UBE3A: variants seen among roughly 807,000 people sequenced by gnomAD.
UBE3A encodes the protein ubiquitin-protein ligase E3A.
In UBE3A, 6 loss-of-function variants were observed where a neutral mutation model predicts 83.4. The ratio of observed to expected loss-of-function variants is 0.07; its 90% CI spans 0.04 to 0.14. The LOEUF is 0.14. Among genes scored for constraint, UBE3A ranks in the 10% least tolerant of loss-of-function variants. The pLI is 1.00. For missense variants in UBE3A, 456 were observed against 1,036.1 expected, an observed-to-expected ratio of 0.44 and a Z score of 7.69; for synonymous variants, 337 against 355.4, an observed-to-expected ratio of 0.95 and a Z score of 0.58.
intron 6 of UBE3A, among the ~76,000 whole-genome samples, chr15:25,367,215 A>G (rs1595752271): frequency 2.6e-5 from 2 of 76,466 alleles, no homozygotes; most frequent in African/African-American, 1.3e-4. Flanking sequence ...GTAAATATGT[A>G]AATATTTACA....
At position 25,405,520 on chromosome 15, in the gene UBE3A, G is replaced by A. The variant is rs777868954; in HGVS notation, c.21-18C>T. On this transcript the variant is annotated intron_variant, in intron 3 of 12. Coordinates refer to ENST00000648336, the MANE Select transcript of UBE3A (RefSeq NM_130839.5). ...CTCCTGATCTGTAAAATGCAATTGA[G>A]AAACAGTTAGCAAAATATTCCATAT... 1.1e-5 allele frequency: 18 copies of A among 1,612,948 alleles called. No individual in the cohort carries two copies. The highest frequency in any genetic ancestry group is 1.7e-5 in the Admixed American group (1 of 59,934).
chr15:25,363,752 A>G (rs1322279520), intron 6 of UBE3A, among the ~76,000 whole-genome samples: 2 of 152,110 alleles, frequency 1.3e-5, no homozygotes, highest in Non-Finnish European at 2.9e-5. Context: ...CATTTTTCAG[A>G]GTCAGAATGT....
chr15:25,429,968 G>T (rs192349375), intron 1 of UBE3A, among the ~76,000 whole-genome samples: 1 of 139,144 alleles, frequency 7.2e-6, no homozygotes, highest in Non-Finnish European at 1.5e-5. Context: ...CTGCACCATT[G>T]CACACCAGCC....
chr15:25,409,020 A>G, intron 3 of UBE3A, 68 bp downstream of exon 3: 1 of 1,497,858 alleles, frequency 6.7e-7, no homozygotes, highest in Non-Finnish European at 9.1e-7. Flanking sequence ...CATTGTCTTC[A>G]TTTTTACAGT....
intron 4 of UBE3A, among the ~76,000 whole-genome samples, chr15:25,405,137 G>A (rs781551481): frequency 1.4e-4 from 21 of 151,600 alleles, no homozygotes; most frequent in Non-Finnish European, 3.0e-4. Context: ...AGTACTTGAT[G>A]CCTTAAATAT....
intron 4 of UBE3A, among the ~76,000 whole-genome samples, chr15:25,384,458 T>TG (rs2082734410): frequency 9.6e-6 from 1 of 103,754 alleles, no homozygotes; most frequent in African/African-American, 5.2e-5. Flanking sequence ...AGACTCTGTC[T>TG]CAAAAAAAAA....
intron 4 of UBE3A, among the ~76,000 whole-genome samples, chr15:25,377,217 C>T (rs1048391735): frequency 6.6e-6 from 1 of 152,052 alleles, no homozygotes; most frequent in South Asian, 2.1e-4. Context: ...ACACGAGATC[C>T]AATTTTGTCT....
In UBE3A at chr15:25,349,763, C is replaced by T. The variant is rs866256759; in HGVS notation, c.2354+4590G>A. The stretch of plus-strand genomic sequence containing the variant: ...TATATTCGAATTTCCAACATCACTG[C>T]TCTTGTGCTTTAGGGCCATTATTAA... On this transcript the variant is annotated intron_variant, in intron 11 of 12. Transcript: ENST00000648336. 4.6e-5 allele frequency among the ~76,000 whole-genome samples: 7 copies of T among 152,148 alleles called. No homozygotes were observed. The South Asian group carries it at 8.3e-4, about 18-fold the overall frequency.
chr15:25,427,752 A>G (rs1432460007), intron 1 of UBE3A, among the ~76,000 whole-genome samples: 1 of 141,218 alleles, frequency 7.1e-6, no homozygotes, highest in East Asian at 2.2e-4. Context: ...TGATCATGGC[A>G]CTGCACTCCA....
chr15:25,408,811 A>G, intron 3 of UBE3A: 4 of 869,520 alleles, frequency 4.6e-6, no homozygotes, highest in Non-Finnish European at 6.7e-6. Context: ...AATGTTTTCT[A>G]TAATGTTTAT....
In UBE3A at chr15:25,408,237, T is replaced by C. The variant is rs1410373880; in HGVS notation, c.20+851A>G. The stretch of plus-strand genomic sequence containing the variant: ...TTGTCTTGGAAACAAACATAAACTA[T>C]GAAATATATACCACCTAGCAACAGT... On this transcript the variant is annotated intron_variant, in intron 3 of 12. Transcript: ENST00000648336. The C allele has an allele frequency of 9.4e-5, 22 of 232,926 alleles. No individual in the cohort carries two copies. The South Asian group carries it at 1.4e-3, about 15-fold the overall frequency. The allele number at this position is 232,926 out of a possible 1,614,324, so 14.4% of individuals were successfully genotyped here.
In UBE3A at chr15:25,370,307, G is replaced by A. The variant is rs1020847005; in HGVS notation, c.1608+259C>T. ...TCTCTTCTGAATGAAAGAAACTTTG[G>A]ATTTAGTTTTCAAGATTTAGAAAAC... On this transcript the variant is annotated intron_variant, in intron 6 of 12. Coordinates refer to ENST00000648336, the MANE Select transcript of UBE3A (RefSeq NM_130839.5). The surrounding 1 kb of genome is among the most constrained non-coding windows in gnomAD (Gnocchi z 4.2). Among the ~76,000 whole-genome samples the A allele has an allele frequency of 2.0e-5, 3 of 152,038 alleles. No individual in the cohort carries two copies. The highest frequency in any genetic ancestry group is 7.3e-5 in the African/African-American group (3 of 41,374).
At chr15:25,380,502 C>A (rs1018223467) in intron 4 of UBE3A, among the ~76,000 whole-genome samples, 3 of 151,598 alleles carry the variant, frequency 2.0e-5, no homozygotes, top group Non-Finnish European at 2.9e-5. Flanking sequence ...TTACCCTGAG[C>A]AAATCCGTAA....
At chr15:25,367,187 GTAAA>G (rs1345922131) in intron 6 of UBE3A, among the ~76,000 whole-genome samples, 1 of 97,396 alleles carries the variant, frequency 1.0e-5, no homozygotes, top group Non-Finnish European at 2.0e-5. Context: ...TTGTAAATAT[GTAAA>G]TATTTACATA....
chr15:25,437,681 T>C (rs996926599), intron 1 of UBE3A, among the ~76,000 whole-genome samples: 5 of 152,208 alleles, frequency 3.3e-5, no homozygotes, highest in Non-Finnish European at 7.3e-5. Flanking sequence ...TTAAAAAATG[T>C]AGACGCTAAA....
intron 4 of UBE3A, among the ~76,000 whole-genome samples, chr15:25,394,974 T>C (rs921612086): frequency 7.9e-5 from 12 of 151,920 alleles, no homozygotes; most frequent in African/African-American, 2.9e-4. Context: ...TGAAGAAAAA[T>C]GCAGCAAGTT....
chr15:25,359,462 T>TGTGTGA (rs1462484004), intron 7 of UBE3A, among the ~76,000 whole-genome samples: 2 of 144,310 alleles, frequency 1.4e-5, no homozygotes, highest in African/African-American at 2.7e-5. Context: ...TGTGTGTGTG[T>TGTGTGA]GACTAAGAAC....
intron 11 of UBE3A, among the ~76,000 whole-genome samples, chr15:25,352,067 C>T (rs1364371509): frequency 6.6e-6 from 1 of 152,042 alleles, no homozygotes; most frequent in Admixed American, 6.5e-5. Context: ...TAGTGGTGTG[C>T]ACCTGTAACC....
At chr15:25,420,658 A>G (rs1889336640) in intron 1 of UBE3A, 1 of 152,226 alleles carries the variant, frequency 6.6e-6, no homozygotes, top group South Asian at 2.1e-4. Context: ...GAAATTACCA[A>G]GTGTTAGAAA....
Sources: gnomAD v4.1 joint callset for allele counts (sites outside exome capture counted in the v4.1 genomes callset) on GRCh38, gnomAD v4.1.1 for gene constraint, Gnocchi (gnomAD v3.1) non-coding constraint, MANE v1.5 for transcripts, NCBI Gene and HGNC (gene_info 2026-07-23, HGNC 2026-07-21) for gene names.